SIDT1: variants seen among roughly 807,000 people sequenced by gnomAD.
SIDT1 encodes SID1 transmembrane family, member 1.
Under a neutral mutation model 107.5 loss-of-function variants are expected in SIDT1, and 101 were observed. The observed-to-expected ratio is 0.94, with a 90% CI of 0.80 to 1.11. The LOEUF (loss-of-function observed/expected upper bound fraction) is 1.11, where lower values mean the gene tolerates loss of function less well. Among genes scored for constraint, SIDT1 ranks in the 50% least tolerant of loss-of-function variants. The pLI is 0.00. For missense variants in SIDT1, 1,076 were observed against 1,058.2 expected (o/e 1.02, Z -0.23); for synonymous variants, 395 against 398.2 (o/e 0.99, Z 0.10).
At chr3:113,569,892 T>C (rs902270428) in intron 3 of SIDT1, among the ~76,000 whole-genome samples, 17 of 152,136 alleles carry the variant, frequency 1.1e-4, no homozygotes, top group African/African-American at 3.9e-4. Flanking sequence ...TTTCTAAATA[T>C]GGTGCTTCAG....
downstream of SIDT1, among the ~76,000 whole-genome samples, chr3:113,634,413 T>G (rs1947110873): frequency 1.3e-5 from 2 of 152,136 alleles, no homozygotes; most frequent in Non-Finnish European, 2.9e-5. Context: ...TCCCAGCACT[T>G]TGGGAGGTCA....
chr3:113,535,278 A>G (rs1159683267), intron 1 of SIDT1, among the ~76,000 whole-genome samples: 1 of 132,906 alleles, frequency 7.5e-6, no homozygotes, highest in Non-Finnish European at 1.6e-5. Context: ...TTTTTTCAAA[A>G]TGTTTTTTTT....
intron 1 of SIDT1, among the ~76,000 whole-genome samples, chr3:113,538,196 T>A (rs1353784537): frequency 1.3e-5 from 2 of 152,254 alleles, no homozygotes; most frequent in Admixed American, 1.3e-4. Flanking sequence ...TTTCAACATG[T>A]GAATTTTGGT....
chr3:113,634,888 A>G, the SIDT1 span, among the ~76,000 whole-genome samples: 13 of 152,356 alleles, frequency 8.5e-5, no homozygotes, highest in South Asian at 1.7e-3. Flanking sequence ...CTGAGTAACA[A>G]TGAAACACAT....
the SIDT1 span, among the ~76,000 whole-genome samples, chr3:113,635,426 G>C: frequency 6.6e-6 from 1 of 152,214 alleles, no homozygotes; most frequent in Non-Finnish European, 1.5e-5. Context: ...AAACCAATCT[G>C]TGCTGGCCTC....
At chr3:113,606,955 T>G in intron 14 of SIDT1, 86 bp from the exon 15 acceptor site, 8 of 831,146 alleles carry the variant, frequency 9.6e-6, no homozygotes, top group Non-Finnish European at 1.7e-5. Context: ...TGCATCTCCG[T>G]GAGCCCTGTC....
At chr3:113,616,766 G>T (rs1252248605) in intron 20 of SIDT1, among the ~76,000 whole-genome samples, 1 of 150,654 alleles carries the variant, frequency 6.6e-6, no homozygotes, top group African/African-American at 2.4e-5. Flanking sequence ...TTGGCTCACC[G>T]CAACCTCCAC....
At chr3:113,584,284 C>G (rs1161472782) in intron 7 of SIDT1, among the ~76,000 whole-genome samples, 2 of 152,226 alleles carry the variant, frequency 1.3e-5, no homozygotes, top group African/African-American at 4.8e-5. Flanking sequence ...CAAGCCCTTT[C>G]ATGACTATAT....
intron 1 of SIDT1, among the ~76,000 whole-genome samples, chr3:113,542,936 G>GTGTGTGTGTGTGTT (rs1553777630): frequency 1.7e-5 from 2 of 118,428 alleles, no homozygotes; most frequent in Admixed American, 8.3e-5. Flanking sequence ...GTGTGTGTGT[G>GTGTGTGTGTGTGTT]TGTTTGTTTG....
At chr3:113,533,686 G>A (rs967993542) in intron 1 of SIDT1, among the ~76,000 whole-genome samples, 1 of 152,200 alleles carries the variant, frequency 6.6e-6, no homozygotes, top group Middle Eastern at 3.2e-3. Flanking sequence ...GCATGGGGAG[G>A]GAGAACTGCT....
At chr3:113,626,307 C>T (rs554601152) in intron 24 of SIDT1, 92 bp downstream of exon 24, 2 of 802,244 alleles carry the variant, frequency 2.5e-6, no homozygotes, top group Admixed American at 5.0e-5. Context: ...TTTTTATATT[C>T]CTCTCTAATT....
intron 1 of SIDT1, among the ~76,000 whole-genome samples, chr3:113,535,109 A>C (rs1376187606): frequency 6.6e-6 from 1 of 152,120 alleles, no homozygotes; most frequent in East Asian, 1.9e-4. Context: ...CTCTCTCTAC[A>C]AAAAATTAAA....
At chr3:113,600,752 T>C (rs1944901015) in intron 10 of SIDT1, among the ~76,000 whole-genome samples, 1 of 152,236 alleles carries the variant, frequency 6.6e-6, no homozygotes, top group Non-Finnish European at 1.5e-5. Context: ...AGGTAACCTG[T>C]TTCTTTGATT....
In SIDT1 at chr3:113,581,391, G is replaced by T. The variant is rs1943327347; in HGVS notation, c.694G>T (p.Glu232Ter). ...GGTGTATGATCTCGACCACAATGTG[G>T]AATTTAATGGTGTCTATCAGTCCAT... is the stretch of plus-strand genomic sequence containing the variant. The part of the protein sequence containing the change: ...CPVYDLDHNV[E>*]FNGVYQSMTK... Residue 232 changes from glutamate to a stop codon, truncating the protein, a stop_gained, in exon 6 of 25, where the codon GAA becomes TAA. Coordinates refer to ENST00000264852, the MANE Select transcript of SIDT1 (RefSeq NM_017699.3). LOFTEE classifies it high-confidence loss of function. 1.2e-6 allele frequency: 2 copies of T among 1,613,772 alleles called. No homozygotes were observed. Among genetic ancestry groups the T allele is most frequent in the East Asian group, 4.5e-5 (2 of 44,856 alleles).
intron 20 of SIDT1, among the ~76,000 whole-genome samples, chr3:113,619,055 C>G (rs1005055864): frequency 3.3e-5 from 5 of 152,174 alleles, no homozygotes; most frequent in African/African-American, 1.2e-4. Flanking sequence ...AAACTCCTGA[C>G]CTCAGGTAAT....
At chr3:113,616,250 C>A (rs1169867393) in intron 20 of SIDT1, 74 bp downstream of exon 20, 2 of 1,177,272 alleles carry the variant, frequency 1.7e-6, no homozygotes, top group Admixed American at 1.7e-5. Flanking sequence ...AGGCTTGGGG[C>A]AGTCACTCAC....
the SIDT1 span, among the ~76,000 whole-genome samples, chr3:113,636,607 A>ATT: frequency 1.3e-5 from 2 of 152,140 alleles, no homozygotes; most frequent in African/African-American, 4.8e-5. Flanking sequence ...GTAAGAAAAC[A>ATT]CCACCAACCA....
At chr3:113,553,230 A>G (rs1264061276) in intron 1 of SIDT1, among the ~76,000 whole-genome samples, 3 of 152,124 alleles carry the variant, frequency 2.0e-5, no homozygotes, top group African/African-American at 7.2e-5. Context: ...TTGTCTTTGA[A>G]GAGGAAGATG....
intron 1 of SIDT1, among the ~76,000 whole-genome samples, chr3:113,536,140 G>A (rs4508746): frequency 0.13 from 19,978 of 152,074 alleles, 1,797 homozygotes; most frequent in African/African-American, 0.26. Context: ...TCTTTCAGGC[G>A]CTGGTTTGTC....
Sources: allele counts gnomAD v4.1 joint callset (sites outside exome capture counted in the v4.1 genomes callset), GRCh38; gene constraint gnomAD v4.1.1; transcripts MANE v1.5; gene names NCBI Gene and HGNC (gene_info 2026-07-23, HGNC 2026-07-21).